KCNS3: variants seen among roughly 807,000 people sequenced by gnomAD.
The protein encoded by KCNS3 is delayed-rectifier potassium channel regulatory subunit KCNS3.
KCNS3 carries 13 observed loss-of-function variants against 31.0 expected under a neutral mutation model. The ratio of observed to expected loss-of-function variants is 0.42; its 90% CI spans 0.27 to 0.67. The LOEUF is 0.67. Ranked by LOEUF, KCNS3 falls within the 30% of genes least tolerant of loss-of-function variation. KCNS3 has a pLI of 0.25. For synonymous variants in KCNS3, 238 were observed against 241.5 expected, an observed-to-expected ratio of 0.99 and a Z score of 0.13; for missense variants, 545 against 622.4, an observed-to-expected ratio of 0.88 and a Z score of 1.32.
At chr2:17,898,792 A>T (rs1572485433) in intron 1 of KCNS3, among the ~76,000 whole-genome samples, 1 of 152,234 alleles carries the variant, frequency 6.6e-6, no homozygotes, top group Non-Finnish European at 1.5e-5. Context: ...CTGGCATCCC[A>T]GTATTGCTGC....
chr2:17,884,743 C>G (rs1661589174), intron 1 of KCNS3, among the ~76,000 whole-genome samples: 1 of 152,040 alleles, frequency 6.6e-6, no homozygotes, highest in Non-Finnish European at 1.5e-5. Flanking sequence ...AGATATATAC[C>G]TCTGTGTATA....
rs925868218 is a variant in KCNS3 at position 17,918,500 on chromosome 2, T to A, written c.-60+629T>A. Among the ~76,000 whole-genome samples, 39 of 152,172 alleles carry A rather than the reference T, an allele frequency of 2.6e-4. 1 individual carries two copies. Among genetic ancestry groups the A allele is most frequent in the Admixed American group, 2.3e-3 (35 of 15,270 alleles). On this transcript the variant is annotated intron_variant, in intron 2 of 2. Transcript: ENST00000304101. ...GACAAGTGGGGACAGTTCACCACCA[T>A]CCCCAACCATCTCATTTGTTTGACT...
intron 1 of KCNS3, among the ~76,000 whole-genome samples, chr2:17,881,294 G>T (rs1360793362): frequency 1.3e-5 from 2 of 152,196 alleles, no homozygotes; most frequent in Non-Finnish European, 2.9e-5. Context: ...CTTATCAGGT[G>T]TCAGGAAAGT....
rs575885279 is a variant in KCNS3, at chr2:17,911,265, G to T, written c.-251-6415G>T. The stretch of plus-strand genomic sequence containing the variant: ...TTCTCAGCTCCTGTAAGCTTTGAGG[G>T]CAAGATCCATGTTATCTTTTGTCCT... On this transcript the variant is annotated intron_variant, in intron 1 of 2. Transcript: ENST00000304101. Among the ~76,000 whole-genome samples, 9 of 152,244 alleles carry T rather than the reference G, an allele frequency of 5.9e-5. No homozygotes were observed. In the South Asian group the frequency reaches 1.7e-3, roughly 28 times the overall value.
At chr2:17,889,051 A>G (rs145787922) in intron 1 of KCNS3, among the ~76,000 whole-genome samples, 9,369 of 152,192 alleles carry the variant, frequency 0.062, 628 homozygotes, top group East Asian at 0.38. Context: ...GATTCTACCC[A>G]TCCATGAGCA....
intron 1 of KCNS3, among the ~76,000 whole-genome samples, chr2:17,910,602 G>T (rs1019460106): frequency 1.3e-5 from 2 of 151,742 alleles, no homozygotes; most frequent in Admixed American, 6.6e-5. Flanking sequence ...GGGATTCTTG[G>T]TGGATTGGCA....
At chr2:17,887,381 TC>T (rs1661689096) in intron 1 of KCNS3, among the ~76,000 whole-genome samples, 1 of 152,168 alleles carries the variant, frequency 6.6e-6, no homozygotes, top group African/African-American at 2.4e-5. Flanking sequence ...ATTTTTCCAT[TC>T]CTGAGTTACT....
intron 2 of KCNS3, chr2:17,919,655 G>A (rs1320116697): frequency 6.6e-6 from 1 of 152,236 alleles, no homozygotes; most frequent in Non-Finnish European, 1.5e-5. Context: ...AAATTGTATG[G>A]ACCTGTGTCA....
chr2:17,905,762 T>A (rs1001805506), intron 1 of KCNS3, among the ~76,000 whole-genome samples: 2 of 152,202 alleles, frequency 1.3e-5, no homozygotes, highest in Non-Finnish European at 2.9e-5. Context: ...CTGGATTACG[T>A]TTATTGATTT....
intron 1 of KCNS3, among the ~76,000 whole-genome samples, chr2:17,899,422 T>C (rs1236498819): frequency 7.5e-6 from 1 of 133,418 alleles, no homozygotes; most frequent in Non-Finnish European, 1.6e-5. Context: ...TTGCTGTCAG[T>C]CATCTATCTA....
intron 1 of KCNS3, among the ~76,000 whole-genome samples, chr2:17,901,296 C>T (rs10208914): frequency 0.015 from 2,345 of 151,938 alleles, 57 homozygotes; most frequent in African/African-American, 0.054. Flanking sequence ...GGAAAAATAC[C>T]GAGTATCTGG....
At chr2:17,894,536 G>A (rs768048777) in intron 1 of KCNS3, among the ~76,000 whole-genome samples, 2 of 152,224 alleles carry the variant, frequency 1.3e-5, no homozygotes, top group Non-Finnish European at 2.9e-5. Flanking sequence ...CAAATAGATT[G>A]AGTGTGGAAC....
intron 2 of KCNS3, among the ~76,000 whole-genome samples, chr2:17,921,805 C>A (rs1310004721): frequency 6.6e-6 from 1 of 151,314 alleles, no homozygotes; most frequent in Non-Finnish European, 1.5e-5. Flanking sequence ...CCAGGCCCCT[C>A]CCCTGACACT....
rs376312107 is a variant in KCNS3 at position 17,909,117 on chromosome 2, T to C, written c.-251-8563T>C. ...GCAGTGGGCTCCACCCAGTTCGAGC[T>C]TCTGGGCTGCTTTGTTTACCTACTC... On this transcript the variant is annotated intron_variant, in intron 1 of 2. Transcript: ENST00000304101. Among the ~76,000 whole-genome samples the C allele has an allele frequency of 1.4e-3, 206 of 152,320 alleles. 1 individual carries two copies. In the East Asian group the frequency reaches 0.024, roughly 18 times the overall value.
chr2:17,913,625 G>T (rs928321935), intron 1 of KCNS3, among the ~76,000 whole-genome samples: 10 of 152,344 alleles, frequency 6.6e-5, no homozygotes, highest in African/African-American at 2.4e-4. Context: ...AAGAACAAGT[G>T]TTGGGAGGGT....
chr2:17,918,584 T>G (rs564302518), intron 2 of KCNS3, among the ~76,000 whole-genome samples: 1 of 152,214 alleles, frequency 6.6e-6, no homozygotes, highest in Non-Finnish European at 1.5e-5. Context: ...TTCTGCTAGC[T>G]CTTTGACAAA....
Position 17,931,112 on chromosome 2 carries a change from G to A in KCNS3, c.104G>A (p.Arg35Gln), listed in dbSNP as rs375733212. The change falls in exon 3 of 3, where the codon CGG becomes CAG. Residue 35 changes from arginine to glutamine, a missense_variant. Coordinates refer to ENST00000304101, the MANE Select transcript of KCNS3 (RefSeq NM_002252.5). The surrounding 1 kb of genome is among the most constrained non-coding windows in gnomAD (Gnocchi z 5.4). The stretch of plus-strand genomic sequence containing the variant: ...TCTGTTGACCAAAGCACCCTCCTGC[G>A]GTTTCCTCACACCAGACTGGGGAAG... ...KQSVDQSTLL[R>Q]FPHTRLGKLL... 2.5e-5 allele frequency: 41 copies of A among 1,614,040 alleles called. No homozygotes were observed. In the African/African-American group the frequency reaches 3.6e-4, roughly 14 times the overall value.
intron 2 of KCNS3, among the ~76,000 whole-genome samples, chr2:17,919,158 G>A (rs927876753): frequency 3.3e-5 from 5 of 152,198 alleles, no homozygotes; most frequent in African/African-American, 7.2e-5. Flanking sequence ...TGAGCTGTGT[G>A]AATTACAGAG....
intron 1 of KCNS3, among the ~76,000 whole-genome samples, chr2:17,907,444 AT>A (rs1286675728): frequency 6.6e-6 from 1 of 152,196 alleles, no homozygotes; most frequent in Non-Finnish European, 1.5e-5. Context: ...TAATTGGAAC[AT>A]TTAGCCCATT....
Sources: allele counts gnomAD v4.1 joint callset (sites outside exome capture counted in the v4.1 genomes callset), GRCh38; gene constraint gnomAD v4.1.1; non-coding constraint Gnocchi (gnomAD v3.1); transcripts MANE v1.5; gene names NCBI Gene and HGNC (gene_info 2026-07-23, HGNC 2026-07-21).